SNX6: variants seen among roughly 807,000 people sequenced by gnomAD.
SNX6 encodes the protein sorting nexin 6, also known as sorting nexin-6.
A neutral mutation model predicts 63.0 loss-of-function variants in SNX6; 34 were observed. That is an observed-to-expected ratio of 0.54 (90% CI 0.41 to 0.72). The LOEUF (loss-of-function observed/expected upper bound fraction) is 0.72. SNX6 is among the 30% of genes least tolerant of loss of function. SNX6 has a pLI of 0.00. For missense variants in SNX6, 398 were observed against 471.4 expected, an observed-to-expected ratio of 0.84 and a Z score of 1.44; for synonymous variants, 170 against 164.2, an observed-to-expected ratio of 1.04 and a Z score of -0.27.
chr14:34,609,503 AAGTAC>A, intron 3 of SNX6, 130 bp downstream of exon 3: 1 of 476,276 alleles, frequency 2.1e-6, no homozygotes, highest in Non-Finnish European at 3.7e-6. Context: ...AAAAAAAAAA[AAGTAC>A]ATTTTCCTAC....
At chr14:34,592,116 G>A (rs986994545) in intron 8 of SNX6, among the ~76,000 whole-genome samples, 5 of 152,152 alleles carry the variant, frequency 3.3e-5, no homozygotes, top group African/African-American at 4.8e-5. Flanking sequence ...GGCCAGGTGC[G>A]GTGGCTCACG....
At chr14:34,576,108 G>A (rs1038191017) in intron 10 of SNX6, among the ~76,000 whole-genome samples, 4 of 151,528 alleles carry the variant, frequency 2.6e-5, no homozygotes, top group Non-Finnish European at 5.9e-5. Flanking sequence ...GTATTTTTTA[G>A]TAGAGACGGG....
At chr14:34,572,554 A>C (rs1020235104) in intron 11 of SNX6, among the ~76,000 whole-genome samples, 6 of 152,214 alleles carry the variant, frequency 3.9e-5, no homozygotes, top group Non-Finnish European at 7.3e-5. Flanking sequence ...AATTTAATAA[A>C]AATTATCAGC....
intron 11 of SNX6, chr14:34,568,867 C>A (rs879162257): frequency 2.7e-6 from 3 of 1,110,296 alleles, no homozygotes; most frequent in Non-Finnish European, 4.1e-6. Context: ...GCCAGGCATG[C>A]CGCCACTTCT....
chr14:34,581,302 C>T (rs1385365201), intron 10 of SNX6, among the ~76,000 whole-genome samples: 2 of 152,152 alleles, frequency 1.3e-5, no homozygotes, highest in Non-Finnish European at 2.9e-5. Context: ...TATAGGCATG[C>T]GTCACCACGC....
intron 2 of SNX6, among the ~76,000 whole-genome samples, chr14:34,616,657 T>A (rs1269081680): frequency 6.6e-6 from 1 of 152,204 alleles, no homozygotes; most frequent in Admixed American, 6.6e-5. Context: ...TGAGATTTAG[T>A]GTTCATTACA....
chr14:34,572,750 G>A (rs908625009), intron 11 of SNX6, among the ~76,000 whole-genome samples: 3 of 151,662 alleles, frequency 2.0e-5, no homozygotes, highest in Admixed American at 1.3e-4. Flanking sequence ...GCGCGATCTC[G>A]GCTCACTGCA....
At chr14:34,578,668 C>T (rs1265649113) in intron 10 of SNX6, among the ~76,000 whole-genome samples, 3 of 137,998 alleles carry the variant, frequency 2.2e-5, no homozygotes, top group Non-Finnish European at 4.6e-5. Context: ...GGGCCAGGTG[C>T]GGTGGCTCAT....
At chr14:34,623,274 G>GA (rs924503776) in intron 2 of SNX6, among the ~76,000 whole-genome samples, 4 of 151,572 alleles carry the variant, frequency 2.6e-5, no homozygotes, top group Admixed American at 6.6e-5. Flanking sequence ...AGGTGAGGGG[G>GA]AAAAAAAACA....
chr14:34,598,619 G>T (rs1171582633), intron 6 of SNX6, among the ~76,000 whole-genome samples: 1 of 152,198 alleles, frequency 6.6e-6, no homozygotes, highest in East Asian at 1.9e-4. Flanking sequence ...CTGACCTCAG[G>T]TGATCCAACC....
chr14:34,608,591 A>G (rs1396971641), intron 3 of SNX6, among the ~76,000 whole-genome samples: 1 of 152,220 alleles, frequency 6.6e-6, no homozygotes. Flanking sequence ...GATTGTTGGG[A>G]AAGTAAGTTG....
intron 6 of SNX6, among the ~76,000 whole-genome samples, chr14:34,599,152 G>C (rs1420131409): frequency 6.6e-6 from 1 of 152,158 alleles, no homozygotes; most frequent in Non-Finnish European, 1.5e-5. Context: ...AAATTACCCA[G>C]TCTAAGGTAT....
At chr14:34,605,559 C>CA (rs111249131) in intron 5 of SNX6, 37 bp downstream of exon 5, 94,840 of 1,193,234 alleles carry the variant, frequency 0.079, 193 homozygotes, top group East Asian at 0.15. Flanking sequence ...CAACAACAAC[C>CA]AAAAAAAAAA....
chr14:34,604,665 A>T (rs1882948149), intron 5 of SNX6, among the ~76,000 whole-genome samples: 1 of 152,110 alleles, frequency 6.6e-6, no homozygotes, highest in Non-Finnish European at 1.5e-5. Context: ...AAGGGGAAAG[A>T]TTCTGTGTTT....
intron 8 of SNX6, among the ~76,000 whole-genome samples, chr14:34,588,860 A>G (rs1329633070): frequency 6.6e-6 from 1 of 152,064 alleles, no homozygotes; most frequent in African/African-American, 2.4e-5. Flanking sequence ...GGCTGAGGGC[A>G]GTGGTTCACA....
chr14:34,575,048 T>G (rs976671652), intron 11 of SNX6, among the ~76,000 whole-genome samples: 1 of 150,986 alleles, frequency 6.6e-6, no homozygotes, highest in African/African-American at 2.4e-5. Flanking sequence ...CCCACCACCA[T>G]GCCCGGCTAA....
rs565510871 is a variant in SNX6, at chr14:34,625,145, G to A, written c.54+4762C>T. 1.1e-4 allele frequency among the ~76,000 whole-genome samples: 16 copies of A among 152,082 alleles called. No individual in the cohort carries two copies. The South Asian group carries it at 2.1e-3, about 20-fold the overall frequency. ...TTGGTCAGGCTGGTCTCGAACTCCC[G>A]ACCTCGTGATCCACCCACCTCTGCC... is the stretch of plus-strand genomic sequence containing the variant. On this transcript the variant is annotated intron_variant, in intron 2 of 13. Transcript: ENST00000362031.
At chr14:34,569,277 A>T (rs1881333328) in intron 11 of SNX6, 4 of 508,396 alleles carry the variant, frequency 7.9e-6, no homozygotes, top group Non-Finnish European at 1.1e-5. Context: ...ACTGAGGATC[A>T]CCATAATCGA....
intron 2 of SNX6, among the ~76,000 whole-genome samples, chr14:34,620,900 C>T (rs1388101481): frequency 1.3e-5 from 2 of 152,006 alleles, no homozygotes; most frequent in African/African-American, 4.8e-5. Flanking sequence ...TGAGATGGTG[C>T]CACTGCACTC....
Sources: allele counts gnomAD v4.1 joint callset (sites outside exome capture counted in the v4.1 genomes callset), GRCh38; gene constraint gnomAD v4.1.1; transcripts MANE v1.5; gene names NCBI Gene and HGNC (gene_info 2026-07-23, HGNC 2026-07-21).